The following B3GALT1 variants were observed in gnomAD, a reference collection of about 807,000 sequenced individuals.
B3GALT1 encodes the protein beta-1,3-galactosyltransferase 1.
A neutral mutation model predicts 23.2 loss-of-function variants in B3GALT1; 10 were observed. The observed-to-expected ratio is 0.43, with a 90% CI of 0.27 to 0.73. The LOEUF is 0.73. Among genes scored for constraint, B3GALT1 ranks in the 30% least tolerant of loss-of-function variants. The pLI is 0.21. For missense variants in B3GALT1, 299 were observed against 405.4 expected (o/e 0.74, Z 2.25); for synonymous variants, 156 against 141.5 (o/e 1.10, Z -0.73).
At position 167,869,162 on chromosome 2, in the gene B3GALT1, A is replaced by C. The variant is rs776551627; in HGVS notation, c.123A>C (p.Leu41=). The C allele has an allele frequency of 1.2e-6, 2 of 1,614,166 alleles. No homozygotes were observed. The highest frequency in any genetic ancestry group is 1.7e-6 in the Non-Finnish European group (2 of 1,180,030). The change falls in exon 5 of 5, where the codon CTA becomes CTC. Residue 41 remains leucine (L), a synonymous_variant. Transcript: ENST00000392690. The surrounding 1 kb of genome is among the most constrained non-coding windows in gnomAD (Gnocchi z 6.4). ...CTGGCTCCAAACCATTCAGCCACCT[A>C]ACAGTTGCCAGGAAAAACTTCACCT... The part of the protein sequence containing the change: ...SYTGSKPFSH[L]TVARKNFTFG...
chr2:167,561,172 A>T (rs1361467223), intron 2 of B3GALT1, among the ~76,000 whole-genome samples: 2 of 152,228 alleles, frequency 1.3e-5, no homozygotes, highest in African/African-American at 4.8e-5. Context: ...ACTCAACTAC[A>T]TGGAAACTGA....
intron 3 of B3GALT1, among the ~76,000 whole-genome samples, chr2:167,700,669 T>G (rs1461353441): frequency 1.3e-5 from 2 of 152,114 alleles, no homozygotes; most frequent in African/African-American, 2.4e-5. Flanking sequence ...GGATTCTCAG[T>G]ACAGTCAAAA....
chr2:167,548,685 A>AGTGTGTGTGTGTGTGTGTGTGT (rs71031297), intron 2 of B3GALT1, among the ~76,000 whole-genome samples: 2 of 144,704 alleles, frequency 1.4e-5, no homozygotes, highest in East Asian at 2.0e-4. Flanking sequence ...CGTGTGTGTG[A>AGTGTGTGTGTGTGTGTGTGTGT]GTGTGTGTGT....
chr2:167,553,606 G>A (rs59632387), intron 2 of B3GALT1, among the ~76,000 whole-genome samples: 1 of 152,126 alleles, frequency 6.6e-6, no homozygotes, highest in Admixed American at 6.6e-5. Flanking sequence ...CCACTTCTGA[G>A]CCCTCCATTT....
chr2:167,607,202 A>G (rs1487801699), intron 2 of B3GALT1, among the ~76,000 whole-genome samples: 1 of 152,194 alleles, frequency 6.6e-6, no homozygotes, highest in Non-Finnish European at 1.5e-5. Flanking sequence ...GAAAGAAATA[A>G]AAAGAAGAGA....
At chr2:167,814,350 C>G (rs186311616) in intron 3 of B3GALT1, among the ~76,000 whole-genome samples, 2 of 152,186 alleles carry the variant, frequency 1.3e-5, no homozygotes, top group Non-Finnish European at 2.9e-5. Context: ...GGATAGAAAT[C>G]CTGAGATTAG....
chr2:167,333,054 G>A (rs1696998853), intron 1 of B3GALT1, among the ~76,000 whole-genome samples: 1 of 152,118 alleles, frequency 6.6e-6, no homozygotes, highest in Admixed American at 6.5e-5. Flanking sequence ...CTTAATTCTA[G>A]GTAATGATGG....
intron 3 of B3GALT1, among the ~76,000 whole-genome samples, chr2:167,808,054 T>C (rs1248597947): frequency 4.6e-5 from 7 of 152,152 alleles, no homozygotes; most frequent in Admixed American, 3.9e-4. Flanking sequence ...TACCATTATG[T>C]AATGGCCTTC....
At position 167,675,302 on chromosome 2, in the gene B3GALT1, C is replaced by T. The variant is rs117840279; in HGVS notation, c.-352+28336C>T. Among the ~76,000 whole-genome samples the T allele has an allele frequency of 1.1e-3, 162 of 152,286 alleles. 1 individual carries two copies. The East Asian group carries it at 0.013, about 12-fold the overall frequency. ...GTTACTTTGTCACATTGGCTCTCAACGCTGTCATACTCCAAGCCCCATTTT... is the reference window on the plus strand; with the variant it reads ...GTTACTTTGTCACATTGGCTCTCAATGCTGTCATACTCCAAGCCCCATTTT... On this transcript the variant is annotated intron_variant, in intron 3 of 4. Transcript: ENST00000392690.
intron 2 of B3GALT1, among the ~76,000 whole-genome samples, chr2:167,569,634 A>C (rs1371367477): frequency 6.6e-6 from 1 of 151,708 alleles, no homozygotes; most frequent in East Asian, 1.9e-4. Flanking sequence ...CTTCCTTCCC[A>C]ATCTGTATAC....
intron 4 of B3GALT1, among the ~76,000 whole-genome samples, chr2:167,836,826 C>G (rs987418739): frequency 1.3e-5 from 2 of 152,206 alleles, no homozygotes; most frequent in African/African-American, 4.8e-5. Flanking sequence ...AACAGCGGAT[C>G]TCTCGGGAGA....
chr2:167,379,401 ATATTAT>A (rs955197721), intron 1 of B3GALT1, among the ~76,000 whole-genome samples: 2 of 151,904 alleles, frequency 1.3e-5, no homozygotes, highest in African/African-American at 4.8e-5. Flanking sequence ...TTTCCCTATA[ATATTAT>A]TATTATCATT....
At chr2:167,462,619 G>T (rs1428289660) in intron 1 of B3GALT1, among the ~76,000 whole-genome samples, 1 of 152,098 alleles carries the variant, frequency 6.6e-6, no homozygotes, top group Non-Finnish European at 1.5e-5. Context: ...GAAGAGAGGA[G>T]TTGAAAACCA....
chr2:167,691,648 G>A lies in B3GALT1; in HGVS notation c.-352+44682G>A, dbSNP rs148878485. On this transcript the variant is annotated intron_variant, in intron 3 of 4. Coordinates refer to ENST00000392690, the MANE Select transcript of B3GALT1 (RefSeq NM_020981.4). ...ACCAGCACTTGCATTTTGTTGGTGC[G>A]TAGCAGATTTGCTAAATAAATGTTG... is the stretch of plus-strand genomic sequence containing the variant. Among the ~76,000 whole-genome samples, 955 of 152,222 alleles carry A rather than the reference G, an allele frequency of 6.3e-3. 5 individuals are homozygous for A. Among genetic ancestry groups the A allele is most frequent in the Non-Finnish European group, 0.01 (684 of 67,998 alleles).
At chr2:167,351,027 G>T (rs377564614) in intron 1 of B3GALT1, among the ~76,000 whole-genome samples, 83 of 152,200 alleles carry the variant, frequency 5.5e-4, no homozygotes, top group African/African-American at 1.9e-3. Context: ...CCAGCACTTT[G>T]CGAGGCCGAG....
At chr2:167,580,875 G>A (rs1029819631) in intron 2 of B3GALT1, among the ~76,000 whole-genome samples, 1 of 152,216 alleles carries the variant, frequency 6.6e-6, no homozygotes, top group South Asian at 2.1e-4. Context: ...GAGGCTTCAA[G>A]GGCCTAAAGA....
rs373437245 is a variant in B3GALT1, at chr2:167,600,499, A to G, written c.-409-46410A>G. Reference sequence around the variant, plus strand: ...TAGACAATTATCATCACCTCAAAAAAGAAACCTGTACCCTTTGGTACCGCT... The same window carrying G: ...TAGACAATTATCATCACCTCAAAAAGGAAACCTGTACCCTTTGGTACCGCT... On this transcript the variant is annotated intron_variant, in intron 2 of 4. Transcript: ENST00000392690. Among the ~76,000 whole-genome samples the G allele has an allele frequency of 6.6e-5, 10 of 152,324 alleles. No individual in the cohort carries two copies. In the East Asian group the frequency reaches 1.5e-3, roughly 23 times the overall value.
chr2:167,529,956 G>A (rs1683296158), intron 2 of B3GALT1, among the ~76,000 whole-genome samples: 2 of 151,970 alleles, frequency 1.3e-5, no homozygotes, highest in Admixed American at 6.6e-5. Flanking sequence ...CAGTTCTCTA[G>A]TGGAGTCCTG....
At chr2:167,754,655 C>T (rs1687788924) in intron 3 of B3GALT1, among the ~76,000 whole-genome samples, 1 of 152,082 alleles carries the variant, frequency 6.6e-6, no homozygotes, top group Non-Finnish European at 1.5e-5. Flanking sequence ...AGCCAGGCCA[C>T]TCACCTTGCT....
Sources: allele counts gnomAD v4.1 joint callset (sites outside exome capture counted in the v4.1 genomes callset), GRCh38; gene constraint gnomAD v4.1.1; non-coding constraint Gnocchi (gnomAD v3.1); transcripts MANE v1.5; gene names NCBI Gene and HGNC (gene_info 2026-07-23, HGNC 2026-07-21).